Variants in MEGF11 observed in about 807,000 individuals in gnomAD.
MEGF11 encodes multiple EGF like domains 11.
Under a neutral mutation model 146.6 loss-of-function variants are expected in MEGF11, and 126 were observed. The observed-to-expected ratio is 0.86, with a 90% CI of 0.74 to 1.00. The LOEUF (loss-of-function observed/expected upper bound fraction) is 1.00. MEGF11 is among the 50% of genes least tolerant of loss of function. The probability of loss-of-function intolerance (pLI) is 0.00; values close to 1 mark genes in which losing one functional copy is unlikely to be tolerated. For synonymous variants in MEGF11, 532 were observed against 583.4 expected, an observed-to-expected ratio of 0.91 and a Z score of 1.27; for missense variants, 1,509 against 1,521.2, an observed-to-expected ratio of 0.99 and a Z score of 0.13.
intron 1 of MEGF11, among the ~76,000 whole-genome samples, chr15:66,215,558 T>C (rs960786875): frequency 1.3e-5 from 2 of 152,162 alleles, no homozygotes; most frequent in Non-Finnish European, 2.9e-5. Flanking sequence ...TGTGAAGACA[T>C]ACACTCAGGA....
intron 10 of MEGF11, among the ~76,000 whole-genome samples, chr15:65,936,106 C>T (rs553587712): frequency 2.1e-4 from 32 of 152,282 alleles, no homozygotes; most frequent in African/African-American, 7.5e-4. Context: ...GATGTCCACA[C>T]GTGCTCAGGC....
chr15:66,133,466 TAC>T (rs1275186020), intron 1 of MEGF11, among the ~76,000 whole-genome samples: 8 of 152,244 alleles, frequency 5.3e-5, no homozygotes, highest in Non-Finnish European at 1.0e-4. Flanking sequence ...TTATAGAAGA[TAC>T]ACACACACTT....
At chr15:66,184,995 G>A (rs1435039755) in intron 1 of MEGF11, among the ~76,000 whole-genome samples, 1 of 152,016 alleles carries the variant, frequency 6.6e-6, no homozygotes, top group Admixed American at 6.6e-5. Context: ...CCCTACACAA[G>A]TGTTTCATTC....
At chr15:65,908,960 G>A (rs2078710793) in intron 23 of MEGF11, 74 bp downstream of exon 23, 5 of 922,692 alleles carry the variant, frequency 5.4e-6, no homozygotes, top group Non-Finnish European at 8.4e-6. Context: ...GGGTCAAGGT[G>A]CAGGGATGGG....
At chr15:65,933,359 G>A (rs531687527) in intron 10 of MEGF11, among the ~76,000 whole-genome samples, 30 of 152,342 alleles carry the variant, frequency 2.0e-4, no homozygotes, top group African/African-American at 7.2e-4. Context: ...ATCAGAAGGG[G>A]TTTCTCTCCC....
rs149356572 is a variant in MEGF11 at position 65,929,822 on chromosome 15, G to A, written c.1470C>T (p.Asn490=). 268 of 1,587,452 alleles carry A rather than the reference G, an allele frequency of 1.7e-4. No homozygotes were observed. Among genetic ancestry groups the A allele is most frequent in the African/African-American group, 9.4e-5 (7 of 74,410 alleles). Residue 490 remains asparagine, a synonymous_variant, in exon 12 of 26, where the codon AAC becomes AAT. Coordinates refer to ENST00000395614, the MANE Select transcript of MEGF11 (RefSeq NM_001385028.1). The part of the protein sequence containing the change: ...CPSGTWGLNC[N]ESCTCANGAA... ...CCCCATTGGCACAGGTGCAGCTCTC[G>A]TTGCAGTTCAGGCCCCACGTCCCAC...
intron 1 of MEGF11, among the ~76,000 whole-genome samples, chr15:66,187,099 G>T (rs1162809984): frequency 6.6e-6 from 1 of 152,168 alleles, no homozygotes; most frequent in South Asian, 2.1e-4. Flanking sequence ...TGAGAGTGAT[G>T]GTACATGGAA....
At chr15:66,151,427 G>A (rs980496212) in intron 1 of MEGF11, among the ~76,000 whole-genome samples, 3 of 152,166 alleles carry the variant, frequency 2.0e-5, no homozygotes, top group African/African-American at 7.2e-5. Flanking sequence ...GTGTGGGGTT[G>A]GGACACTGGC....
intron 5 of MEGF11, among the ~76,000 whole-genome samples, chr15:65,990,983 C>T (rs1342539808): frequency 6.6e-6 from 1 of 152,128 alleles, no homozygotes; most frequent in East Asian, 1.9e-4. Context: ...ATTAATAGAC[C>T]AAGGTAGATT....
chr15:66,030,445 C>G (rs2083476350), intron 5 of MEGF11, among the ~76,000 whole-genome samples: 1 of 152,178 alleles, frequency 6.6e-6, no homozygotes, highest in African/African-American at 2.4e-5. Context: ...GAGTCTTGCT[C>G]TGTTGCCAGG....
intron 5 of MEGF11, among the ~76,000 whole-genome samples, chr15:65,993,939 C>A (rs1243907572): frequency 6.6e-6 from 1 of 152,136 alleles, no homozygotes; most frequent in Non-Finnish European, 1.5e-5. Context: ...TGGCAAAAAA[C>A]AGGATCAGGC....
chr15:65,943,218 T>A (rs2080070936), intron 10 of MEGF11, among the ~76,000 whole-genome samples: 1 of 152,144 alleles, frequency 6.6e-6, no homozygotes, highest in Admixed American at 6.5e-5. Context: ...TCTCAGGCGA[T>A]CCACCTGCCT....
chr15:65,909,730 C>T lies in MEGF11; in HGVS notation c.2896+10G>A. On this transcript the variant is annotated intron_variant, in intron 22 of 25. Transcript: ENST00000395614. ...ATGATGGTGGGGACCAGACTCACAC[C>T]ACTACTGACCTAACACGTTCACATA... The T allele has an allele frequency of 6.4e-7, 1 of 1,567,916 alleles. No homozygotes were observed.
intron 5 of MEGF11, among the ~76,000 whole-genome samples, chr15:66,076,481 C>G (rs1013122976): frequency 3.3e-5 from 5 of 152,166 alleles, no homozygotes; most frequent in Admixed American, 6.5e-5. Context: ...ATTTACCCAG[C>G]CTGCCAGAAT....
intron 9 of MEGF11, among the ~76,000 whole-genome samples, chr15:65,959,742 G>T (rs1050980650): frequency 1.3e-5 from 2 of 152,138 alleles, no homozygotes; most frequent in Non-Finnish European, 2.9e-5. Context: ...GGCTATTGAG[G>T]CACCAGGCAC....
chr15:65,900,050 G>A (rs997238137), intron 24 of MEGF11, among the ~76,000 whole-genome samples: 1 of 152,306 alleles, frequency 6.6e-6, no homozygotes. Flanking sequence ...ATAGTCCCAG[G>A]CAAGGCAGGA....
chr15:65,972,282 A>G (rs1376774801), intron 7 of MEGF11, among the ~76,000 whole-genome samples: 2 of 152,242 alleles, frequency 1.3e-5, no homozygotes, highest in Non-Finnish European at 2.9e-5. Context: ...GGAAGGATGG[A>G]GAACCTGGGT....
chr15:66,144,430 C>T (rs1397624594), intron 1 of MEGF11, among the ~76,000 whole-genome samples: 1 of 152,264 alleles, frequency 6.6e-6, no homozygotes, highest in South Asian at 2.1e-4. Context: ...AGCATGGGTA[C>T]CCCCTTCCTG....
chr15:66,038,648 C>A (rs2083821022), intron 5 of MEGF11, among the ~76,000 whole-genome samples: 1 of 152,146 alleles, frequency 6.6e-6, no homozygotes, highest in Non-Finnish European at 1.5e-5. Flanking sequence ...CAAGCTAAGT[C>A]CCCATTGCTT....
Sources: gnomAD v4.1 joint callset for allele counts (sites outside exome capture counted in the v4.1 genomes callset) on GRCh38, gnomAD v4.1.1 for gene constraint, MANE v1.5 for transcripts, NCBI Gene and HGNC (gene_info 2026-07-23, HGNC 2026-07-21) for gene names.